Variants in HEMK2 observed in about 807,000 individuals in gnomAD.
HEMK2 encodes the protein methyltransferase HEMK2.
At chr21:28,880,871 G>A in the HEMK2 span, among the ~76,000 whole-genome samples, 7 of 129,172 alleles carry the variant, frequency 5.4e-5, no homozygotes, top group Non-Finnish European at 1.1e-4. Flanking sequence ...CTAATAATAT[G>A]AAAATAATTT....
chr21:28,874,643 G>A, the HEMK2 span: 1 of 152,230 alleles, frequency 6.6e-6, no homozygotes, highest in African/African-American at 2.4e-5. Flanking sequence ...CCACAGAACA[G>A]GTTATCTTGT....
At chr21:28,806,109 C>G in the HEMK2 span, among the ~76,000 whole-genome samples, 2 of 151,864 alleles carry the variant, frequency 1.3e-5, no homozygotes, top group Non-Finnish European at 2.9e-5. Flanking sequence ...GGTAAAGTAC[C>G]GTATTCATGG....
chr21:28,728,008 G>A, the HEMK2 span, among the ~76,000 whole-genome samples: 30 of 152,208 alleles, frequency 2.0e-4, no homozygotes, highest in Non-Finnish European at 3.8e-4. Flanking sequence ...AGATTGGAGC[G>A]ATTCAGGGCC....
chr21:28,862,358 C>CATCAGTACCA, the HEMK2 span, among the ~76,000 whole-genome samples: 106 of 149,050 alleles, frequency 7.1e-4, 2 homozygotes, highest in African/African-American at 1.3e-3. Context: ...AGAAAGTAGT[C>CATCAGTACCA]GCCGGGCGCG....
At chr21:28,876,159 A>G in the HEMK2 span, 1 of 333,138 alleles carries the variant, frequency 3.0e-6, no homozygotes. Flanking sequence ...TAAATATTTC[A>G]TACATAATTT....
At chr21:28,841,584 G>A in the HEMK2 span, among the ~76,000 whole-genome samples, 267 of 146,764 alleles carry the variant, frequency 1.8e-3, 9 homozygotes, top group South Asian at 0.038. Flanking sequence ...ATCAAGCATC[G>A]TATGTTCTCA....
the HEMK2 span, among the ~76,000 whole-genome samples, chr21:28,760,380 T>G: frequency 6.6e-6 from 1 of 152,340 alleles, no homozygotes; most frequent in Admixed American, 6.5e-5. Flanking sequence ...TTGTGGCACA[T>G]GTGATCTTTG....
At chr21:28,578,320 G>A in the HEMK2 span, among the ~76,000 whole-genome samples, 1 of 152,114 alleles carries the variant, frequency 6.6e-6, no homozygotes, top group Non-Finnish European at 1.5e-5. Context: ...CTCCTGCTCT[G>A]CTCTGATTCA....
chr21:28,622,857 G>A, the HEMK2 span, among the ~76,000 whole-genome samples: 5 of 152,026 alleles, frequency 3.3e-5, no homozygotes, highest in Admixed American at 2.0e-4. Flanking sequence ...AGACTTAAAC[G>A]TAAGACCTAA....
chr21:28,833,719 C>G, the HEMK2 span, among the ~76,000 whole-genome samples: 3 of 152,148 alleles, frequency 2.0e-5, no homozygotes, highest in Non-Finnish European at 4.4e-5. Flanking sequence ...GTTACAAGCT[C>G]AGGTTTGGAC....
At chr21:28,739,212 T>C in the HEMK2 span, among the ~76,000 whole-genome samples, 3 of 152,212 alleles carry the variant, frequency 2.0e-5, no homozygotes, top group Non-Finnish European at 4.4e-5. Flanking sequence ...TCATTTTCTA[T>C]TGCTGAACCA....
At chr21:28,620,660 C>CTTTTTTTTTTTTTTTTTTTTT in the HEMK2 span, among the ~76,000 whole-genome samples, 83 of 49,650 alleles carry the variant, frequency 1.7e-3, 18 homozygotes, top group Middle Eastern at 0.015. Flanking sequence ...TCTCTCTTTT[C>CTTTTTTTTTTTTTTTTTTTTT]TTTTTTTTTT....
chr21:28,792,533 C>G, the HEMK2 span, among the ~76,000 whole-genome samples: 2 of 151,872 alleles, frequency 1.3e-5, no homozygotes, highest in African/African-American at 4.8e-5. Context: ...CCTGCTCTTG[C>G]GGTTGTAAGA....
chr21:28,674,609 G>A, the HEMK2 span: 4 of 152,146 alleles, frequency 2.6e-5, no homozygotes, highest in East Asian at 7.7e-4. Context: ...AATTTTTTCT[G>A]GTTTTAGTTC....
the HEMK2 span, among the ~76,000 whole-genome samples, chr21:28,599,699 C>T: frequency 1.5e-4 from 23 of 152,236 alleles, no homozygotes; most frequent in Non-Finnish European, 2.4e-4. Context: ...AAGTCCACAG[C>T]CCAAAGTCTG....
chr21:28,766,828 C>T, the HEMK2 span, among the ~76,000 whole-genome samples: 3 of 151,894 alleles, frequency 2.0e-5, no homozygotes, highest in East Asian at 3.9e-4. Context: ...AACAATATAA[C>T]GGACTTTAGG....
chr21:28,580,160 G>C, the HEMK2 span, among the ~76,000 whole-genome samples: 10 of 152,164 alleles, frequency 6.6e-5, no homozygotes, highest in African/African-American at 4.8e-5. Flanking sequence ...ACGTAACTGA[G>C]CTGGTGGGAA....
At chr21:28,748,151 C>T in the HEMK2 span, among the ~76,000 whole-genome samples, 2 of 152,182 alleles carry the variant, frequency 1.3e-5, no homozygotes, top group African/African-American at 4.8e-5. Context: ...GAAAAGCTAC[C>T]TATTGGCTAC....
chr21:28,689,708 T>C, the HEMK2 span, among the ~76,000 whole-genome samples: 13 of 152,302 alleles, frequency 8.5e-5, no homozygotes, highest in Non-Finnish European at 1.6e-4. Flanking sequence ...AGGATACTTA[T>C]TAACTGACCT....
Sources: allele counts gnomAD v4.1 joint callset (sites outside exome capture counted in the v4.1 genomes callset), GRCh38; gene constraint gnomAD v4.1.1; transcripts MANE v1.5; gene names NCBI Gene and HGNC (gene_info 2026-07-23, HGNC 2026-07-21).